The following GPC5 variants were observed in gnomAD, a reference collection of about 807,000 sequenced individuals.
GPC5 encodes glypican 5.
GPC5 carries 47 observed loss-of-function variants against 53.9 expected under a neutral mutation model. The ratio of observed to expected loss-of-function variants is 0.87; its 90% CI spans 0.69 to 1.11. The LOEUF (loss-of-function observed/expected upper bound fraction) is 1.11. GPC5 is among the 50% of genes most tolerant of loss of function. The probability of loss-of-function intolerance (pLI) is 0.00; values close to 1 mark genes in which losing one functional copy is unlikely to be tolerated. For missense variants in GPC5, 748 were observed against 713.1 expected, an observed-to-expected ratio of 1.05 and a Z score of -0.56; for synonymous variants, 286 against 263.3, an observed-to-expected ratio of 1.09 and a Z score of -0.84.
chr13:91,419,819 C>T (rs1413700787), intron 1 of GPC5, among the ~76,000 whole-genome samples: 1 of 152,152 alleles, frequency 6.6e-6, no homozygotes, highest in African/African-American at 2.4e-5. Context: ...TGGCCATTAC[C>T]TATGGAATGC....
intron 7 of GPC5, among the ~76,000 whole-genome samples, chr13:92,602,241 T>C (rs200305020): frequency 0.23 from 29,652 of 126,880 alleles, 4,127 homozygotes; most frequent in Middle Eastern, 0.33. Context: ...AACATATATA[T>C]ATATATATAT....
chr13:91,910,678 C>T (rs1295006722), intron 6 of GPC5, among the ~76,000 whole-genome samples: 3 of 152,096 alleles, frequency 2.0e-5, no homozygotes, highest in Non-Finnish European at 4.4e-5. Flanking sequence ...CAATTAGAGT[C>T]ACTAAGGAAA....
rs1266772705 is a variant in GPC5, at chr13:91,459,626, T to G, written c.325+10704T>G. Among the ~76,000 whole-genome samples, 6 of 151,848 alleles carry G rather than the reference T, an allele frequency of 4.0e-5. No homozygotes were observed. In the East Asian group the frequency reaches 7.8e-4, roughly 20 times the overall value. On this transcript the variant is annotated intron_variant, in intron 2 of 7. Coordinates refer to ENST00000377067, the MANE Select transcript of GPC5 (RefSeq NM_004466.6). ...TCCAAGTCTGTTGGTAGAGTTGGAG[T>G]GAGACAAACTGTGACCTGTTTCTCC...
intron 6 of GPC5, among the ~76,000 whole-genome samples, chr13:92,022,583 A>C (rs1436895241): frequency 1.3e-5 from 2 of 152,012 alleles, no homozygotes; most frequent in South Asian, 4.1e-4. Flanking sequence ...AAAATATTTG[A>C]ATACATTTTA....
chr13:92,803,150 T>G (rs1248722375), intron 7 of GPC5, among the ~76,000 whole-genome samples: 1 of 151,944 alleles, frequency 6.6e-6, no homozygotes, highest in Non-Finnish European at 1.5e-5. Flanking sequence ...CTCAATAAGT[T>G]ATTATTTTTT....
In GPC5 at chr13:91,422,233, A is replaced by G. The variant is rs186580144; in HGVS notation, c.163+23024A>G. On this transcript the variant is annotated intron_variant, in intron 1 of 7. Transcript: ENST00000377067. The stretch of plus-strand genomic sequence containing the variant: ...GGTAAGGTGCGTATAAAAATAGAAA[A>G]ATAATTGGATTTGTAAAAAGCAAAC... Among the ~76,000 whole-genome samples, 19 of 152,342 alleles carry G rather than the reference A, an allele frequency of 1.2e-4. 1 individual carries two copies. The highest frequency in any genetic ancestry group is 9.1e-4 in the Admixed American group (14 of 15,306).
intron 7 of GPC5, among the ~76,000 whole-genome samples, chr13:92,849,213 A>C (rs1440084659): frequency 6.6e-6 from 1 of 152,058 alleles, no homozygotes. Flanking sequence ...GGATATCTTC[A>C]TGGATAATGT....
intron 6 of GPC5, among the ~76,000 whole-genome samples, chr13:92,056,286 T>C (rs1466146640): frequency 6.6e-6 from 1 of 152,204 alleles, no homozygotes; most frequent in Non-Finnish European, 1.5e-5. Context: ...CCTTCTCTTT[T>C]ATACTTTTGC....
chr13:92,169,762 A>T (rs2042056339), intron 7 of GPC5, among the ~76,000 whole-genome samples: 1 of 152,122 alleles, frequency 6.6e-6, no homozygotes, highest in African/African-American at 2.4e-5. Flanking sequence ...AAGGCAAAAA[A>T]TTATTTTATA....
chr13:91,790,970 A>C (rs1339931005), intron 5 of GPC5, among the ~76,000 whole-genome samples: 1 of 152,180 alleles, frequency 6.6e-6, no homozygotes. Context: ...GGTGTGAATG[A>C]AAGTGTATTT....
chr13:92,229,792 G>C (rs2042516760), intron 7 of GPC5, among the ~76,000 whole-genome samples: 1 of 151,954 alleles, frequency 6.6e-6, no homozygotes. Flanking sequence ...ATAAATAGTA[G>C]AGATATTTCA....
chr13:92,448,293 T>A (rs1473110792), intron 7 of GPC5: 1 of 152,138 alleles, frequency 6.6e-6, no homozygotes, highest in African/African-American at 2.4e-5. Context: ...ATTCATGCAT[T>A]TTCTTTTGAG....
chr13:92,262,830 A>G (rs2042775968), intron 7 of GPC5, among the ~76,000 whole-genome samples: 1 of 152,224 alleles, frequency 6.6e-6, no homozygotes, highest in Non-Finnish European at 1.5e-5. Flanking sequence ...GGTTGAGACT[A>G]AAGAATTGAG....
intron 2 of GPC5, among the ~76,000 whole-genome samples, chr13:91,628,504 A>G (rs1555917): frequency 0.62 from 72,738 of 117,810 alleles, 20,617 homozygotes; most frequent in East Asian, 0.69. Context: ...CTGTCTGTCT[A>G]TCTCTCTATC....
chr13:92,225,595 A>T (rs1439566531), intron 7 of GPC5, among the ~76,000 whole-genome samples: 1 of 152,240 alleles, frequency 6.6e-6, no homozygotes, highest in Non-Finnish European at 1.5e-5. Flanking sequence ...CTGAAATAAC[A>T]TACATGAGCT....
chr13:91,432,223 G>C lies in GPC5; in HGVS notation c.164-16538G>C, dbSNP rs1198885097. Among the ~76,000 whole-genome samples the C allele has an allele frequency of 6.0e-5, 9 of 151,022 alleles. No homozygotes were observed. The South Asian group carries it at 8.4e-4, about 14-fold the overall frequency. On this transcript the variant is annotated intron_variant, in intron 1 of 7. Coordinates refer to ENST00000377067, the MANE Select transcript of GPC5 (RefSeq NM_004466.6). ...TGCTGCTGTGTGTGTGTGTGTGTGT[G>C]TGTGTGTGTGTGTGTGTGTGTGTGT... is the stretch of plus-strand genomic sequence containing the variant.
At chr13:91,635,106 CAG>C (rs2034254812) in intron 2 of GPC5, among the ~76,000 whole-genome samples, 1 of 152,054 alleles carries the variant, frequency 6.6e-6, no homozygotes, top group Non-Finnish European at 1.5e-5. Context: ...GTGATTTGGC[CAG>C]ATTTGCATCC....
In GPC5 at chr13:92,773,218, C is replaced by T. The variant is rs911797914; in HGVS notation, c.1562-93064C>T. On this transcript the variant is annotated intron_variant, in intron 7 of 7. Transcript: ENST00000377067. ...CTCTTTAATACTTACTATCAGCTTACATGTTTTAATGGTAGGGCTTATGTC... is the reference window on the plus strand; with the variant it reads ...CTCTTTAATACTTACTATCAGCTTATATGTTTTAATGGTAGGGCTTATGTC... Among the ~76,000 whole-genome samples the T allele has an allele frequency of 2.6e-5, 4 of 152,266 alleles. No individual in the cohort carries two copies. In the East Asian group the frequency reaches 5.8e-4, roughly 22 times the overall value.
chr13:92,047,601 G>C (rs1425538518), intron 6 of GPC5, among the ~76,000 whole-genome samples: 2 of 151,246 alleles, frequency 1.3e-5, no homozygotes, highest in Non-Finnish European at 2.9e-5. Context: ...TGCATATATA[G>C]GTATTATTTT....
Sources: gnomAD v4.1 joint callset for allele counts (sites outside exome capture counted in the v4.1 genomes callset) on GRCh38, gnomAD v4.1.1 for gene constraint, MANE v1.5 for transcripts, NCBI Gene and HGNC (gene_info 2026-07-23, HGNC 2026-07-21) for gene names.